Variants in IL1RAPL1 observed in about 807,000 individuals in gnomAD.
The protein encoded by IL1RAPL1 is interleukin-1 receptor accessory protein-like 1.
IL1RAPL1 carries 3 observed loss-of-function variants against 48.4 expected under a neutral mutation model. That is an observed-to-expected ratio of 0.06 (90% confidence interval 0.03 to 0.16). The LOEUF is 0.16. IL1RAPL1 is among the 10% of genes least tolerant of loss of function. The pLI, the probability that IL1RAPL1 is intolerant of heterozygous loss-of-function variation, is 1.00. For missense variants in IL1RAPL1, 349 were observed against 530.6 expected (o/e 0.66, Z 3.36); for synonymous variants, 185 against 187.7 (o/e 0.99, Z 0.12).
chrX:29,273,498 G>C (rs933351007), intron 2 of IL1RAPL1, among the ~76,000 whole-genome samples: 2 of 111,672 alleles, frequency 1.8e-5, no homozygotes, highest in Admixed American at 9.5e-5. Context: ...TTAAGATCTT[G>C]CTGTACTGGA....
At position 29,229,133 on chromosome X, in the gene IL1RAPL1, T is replaced by C. The variant is rs780857956; in HGVS notation, c.83-53805T>C. Among the ~76,000 whole-genome samples the C allele has an allele frequency of 2.7e-5, 3 of 112,067 alleles. No homozygotes were observed. The South Asian group carries it at 1.1e-3, about 41-fold the overall frequency. On this transcript the variant is annotated intron_variant, in intron 2 of 10. Coordinates refer to ENST00000378993, the MANE Select transcript of IL1RAPL1 (RefSeq NM_014271.4). ...CAATACATTTTTTCATAAAATTAAA[T>C]TTCTCCTTTTAAAGAAGTGTTCTTT...
At chrX:28,677,976 A>G (rs748697235) in intron 1 of IL1RAPL1, among the ~76,000 whole-genome samples, 2 of 108,049 alleles carry the variant, frequency 1.9e-5, no homozygotes, top group Non-Finnish European at 3.8e-5. Flanking sequence ...TCCTCCTTCC[A>G]TTTTTTTTTG....
chrX:28,814,341 T>TTGTGTGTGTGTGTGTGTG (rs753090480), intron 2 of IL1RAPL1, among the ~76,000 whole-genome samples: 6 of 89,751 alleles, frequency 6.7e-5, no homozygotes, highest in Non-Finnish European at 1.3e-4. Context: ...ATTTTCAGGT[T>TTGTGTGTGTGTGTGTGTG]TGTGTGTGTG....
intron 5 of IL1RAPL1, among the ~76,000 whole-genome samples, chrX:29,652,789 GATCAGTT>G (rs1925558941): frequency 9.0e-6 from 1 of 111,719 alleles, no homozygotes; most frequent in South Asian, 3.7e-4. Context: ...GCCTGGCCCT[GATCAGTT>G]ATCTTGGAGA....
chrX:28,768,753 C>A (rs79839984), intron 1 of IL1RAPL1, among the ~76,000 whole-genome samples: 1,842 of 52,564 alleles, frequency 0.035, 26 homozygotes, highest in African/African-American at 0.065. Context: ...CTCTCTCTCT[C>A]TCTATATATA....
At chrX:29,864,908 C>G (rs757722812) in intron 6 of IL1RAPL1, among the ~76,000 whole-genome samples, 1 of 111,592 alleles carries the variant, frequency 9.0e-6, no homozygotes, top group Admixed American at 9.5e-5. Context: ...GAGGTTAACC[C>G]TCTGCCACTT....
At chrX:29,917,808 C>T (rs1300544394) in intron 7 of IL1RAPL1, among the ~76,000 whole-genome samples, 1 of 109,350 alleles carries the variant, frequency 9.1e-6, no homozygotes, top group Non-Finnish European at 1.9e-5. Flanking sequence ...AGAAAAATAA[C>T]GAAGATTGTT....
chrX:29,910,336 A>G (rs767344695), intron 6 of IL1RAPL1, among the ~76,000 whole-genome samples: 13 of 110,409 alleles, frequency 1.2e-4, no homozygotes, highest in Admixed American at 7.8e-4. Context: ...GTGACATATA[A>G]TTTACCTATA....
At chrX:28,923,691 G>A (rs1601960383) in intron 2 of IL1RAPL1, among the ~76,000 whole-genome samples, 1 of 110,909 alleles carries the variant, frequency 9.0e-6, no homozygotes, top group African/African-American at 3.3e-5. Context: ...CCTAGATGGC[G>A]GGTATATGGG....
intron 6 of IL1RAPL1, among the ~76,000 whole-genome samples, chrX:29,712,283 CAAAT>C (rs1280919646): frequency 5.5e-5 from 6 of 109,316 alleles, no homozygotes; most frequent in African/African-American, 9.9e-5. Context: ...AATTTTCACT[CAAAT>C]GAATAAAAAA....
chrX:29,364,640 TG>T (rs1014907481), intron 3 of IL1RAPL1, among the ~76,000 whole-genome samples: 3 of 110,701 alleles, frequency 2.7e-5, no homozygotes, highest in African/African-American at 9.9e-5. Flanking sequence ...ATATTTTTCT[TG>T]TCATTATTCC....
intron 1 of IL1RAPL1, among the ~76,000 whole-genome samples, chrX:28,779,687 A>G (rs1936400792): frequency 1.1e-5 from 1 of 87,925 alleles, no homozygotes; most frequent in Non-Finnish European, 2.3e-5. Flanking sequence ...TAGAATGTGG[A>G]AAGATTGAAT....
chrX:29,878,000 G>A (rs1355732745), intron 6 of IL1RAPL1, among the ~76,000 whole-genome samples: 2 of 111,830 alleles, frequency 1.8e-5, no homozygotes, highest in Non-Finnish European at 3.8e-5. Flanking sequence ...ACACTGTAGG[G>A]TTATTAGCAA....
At chrX:28,834,781 A>G (rs144163462) in intron 2 of IL1RAPL1, among the ~76,000 whole-genome samples, 200 of 111,323 alleles carry the variant, frequency 1.8e-3, no homozygotes, top group Middle Eastern at 9.3e-3. Flanking sequence ...TGATTTGCCT[A>G]AGATCATGCG....
intron 6 of IL1RAPL1, among the ~76,000 whole-genome samples, chrX:29,772,183 C>T (rs770358588): frequency 1.9e-5 from 2 of 106,737 alleles, no homozygotes; most frequent in South Asian, 4.3e-4. Flanking sequence ...TCCAGGAGCT[C>T]GAGGCTGTAG....
At chrX:29,785,499 C>T (rs2147159306) in intron 6 of IL1RAPL1, among the ~76,000 whole-genome samples, 1 of 112,061 alleles carries the variant, frequency 8.9e-6, no homozygotes, top group South Asian at 3.7e-4. Context: ...TAGATGTATG[C>T]TTTACAGATG....
At chrX:28,903,424 C>CTTT (rs199661606) in intron 2 of IL1RAPL1, among the ~76,000 whole-genome samples, 1 of 100,130 alleles carries the variant, frequency 1.0e-5, no homozygotes, top group African/African-American at 3.7e-5. Context: ...TTCTTTCTTT[C>CTTT]TTTTTTTTTT....
chrX:29,294,401 G>T (rs974790818), intron 3 of IL1RAPL1, among the ~76,000 whole-genome samples: 7 of 108,576 alleles, frequency 6.4e-5, no homozygotes, highest in Non-Finnish European at 1.3e-4. Context: ...GGTGGTGGGT[G>T]CCTGTAGTCC....
intron 5 of IL1RAPL1, among the ~76,000 whole-genome samples, chrX:29,399,838 A>T (rs990067025): frequency 2.7e-5 from 3 of 109,919 alleles, no homozygotes; most frequent in African/African-American, 9.8e-5. Flanking sequence ...AAAAAAAAAG[A>T]AATGTTAGCT....
Sources: gnomAD v4.1 joint callset for allele counts (sites outside exome capture counted in the v4.1 genomes callset) on GRCh38, gnomAD v4.1.1 for gene constraint, MANE v1.5 for transcripts, NCBI Gene and HGNC (gene_info 2026-07-23, HGNC 2026-07-21) for gene names.